The following POT1 variants were observed in gnomAD, a reference collection of about 807,000 sequenced individuals.
POT1 encodes protection of telomeres protein 1.
Under a neutral mutation model 78.5 loss-of-function variants are expected in POT1, and 47 were observed. The observed-to-expected ratio is 0.60, with a 90% CI of 0.47 to 0.76. The LOEUF (loss-of-function observed/expected upper bound fraction) is 0.76, where lower values mean the gene tolerates loss of function less well. Among genes scored for constraint, POT1 ranks in the 30% least tolerant of loss-of-function variants. The pLI is 0.00. For missense variants in POT1, 646 were observed against 749.9 expected (o/e 0.86, Z 1.62); for synonymous variants, 259 against 260.7 (o/e 0.99, Z 0.06).
At chr7:124,859,464 TG>T (rs1236403788) in intron 8 of POT1, among the ~76,000 whole-genome samples, 2 of 152,134 alleles carry the variant, frequency 1.3e-5, no homozygotes, top group Admixed American at 1.3e-4. Flanking sequence ...AAATTATGAA[TG>T]CTCTAAAAAT....
At chr7:124,902,595 G>C (rs1045727552) in intron 3 of POT1, among the ~76,000 whole-genome samples, 4 of 152,158 alleles carry the variant, frequency 2.6e-5, no homozygotes, top group African/African-American at 9.7e-5. Flanking sequence ...AGACCATTGA[G>C]GCTAGGAAGA....
intron 3 of POT1, among the ~76,000 whole-genome samples, chr7:124,914,136 GAA>G (rs35946307): frequency 5.4e-5 from 6 of 111,206 alleles, no homozygotes; most frequent in African/African-American, 6.8e-5. Flanking sequence ...CTCTGTCTCA[GAA>G]AAAAAAAAAA....
intron 14 of POT1, chr7:124,837,243 C>G (rs1476104346): frequency 3.6e-6 from 1 of 277,646 alleles, no homozygotes; most frequent in Admixed American, 4.7e-5. Flanking sequence ...AGATAAAATA[C>G]TAAACTAGTA....
intron 17 of POT1, among the ~76,000 whole-genome samples, chr7:124,826,307 C>G (rs1794628221): frequency 6.6e-6 from 1 of 152,150 alleles, no homozygotes; most frequent in Non-Finnish European, 1.5e-5. Flanking sequence ...TGGAACTTTC[C>G]TGGACTCTGT....
intron 6 of POT1, among the ~76,000 whole-genome samples, chr7:124,881,600 A>G (rs1052154962): frequency 1.1e-4 from 17 of 151,998 alleles, no homozygotes; most frequent in Admixed American, 6.6e-5. Context: ...AAATAGTAAC[A>G]ATGCAAACTG....
intron 6 of POT1, among the ~76,000 whole-genome samples, chr7:124,884,217 G>T (rs1796190478): frequency 6.6e-6 from 1 of 152,004 alleles, no homozygotes; most frequent in African/African-American, 2.4e-5. Flanking sequence ...AGTTAGCTGG[G>T]ATGTTTTTAT....
At chr7:124,871,688 A>C (rs1338475544) in intron 6 of POT1, among the ~76,000 whole-genome samples, 1 of 151,950 alleles carries the variant, frequency 6.6e-6, no homozygotes, top group Non-Finnish European at 1.5e-5. Flanking sequence ...CGATAACTTC[A>C]AACACTGGTG....
chr7:124,860,873 T>A (rs1315353249), intron 8 of POT1, among the ~76,000 whole-genome samples: 1 of 152,118 alleles, frequency 6.6e-6, no homozygotes, highest in Non-Finnish European at 1.5e-5. Context: ...TTTTCCGTTC[T>A]TGTGTTAGTT....
At chr7:124,905,135 A>T (rs879405994) in intron 3 of POT1, among the ~76,000 whole-genome samples, 8 of 152,212 alleles carry the variant, frequency 5.3e-5, no homozygotes, top group Non-Finnish European at 8.8e-5. Context: ...ACAGAATTGG[A>T]AGTTCATATG....
At chr7:124,847,899 C>T (rs1795210008) in intron 11 of POT1, among the ~76,000 whole-genome samples, 2 of 152,094 alleles carry the variant, frequency 1.3e-5, no homozygotes, top group South Asian at 4.1e-4. Context: ...AGACATAAGC[C>T]CACATTTATA....
chr7:124,839,742 G>T (rs183435674), intron 14 of POT1, among the ~76,000 whole-genome samples: 2 of 152,124 alleles, frequency 1.3e-5, no homozygotes, highest in East Asian at 3.9e-4. Flanking sequence ...TAAGCAAAAG[G>T]TACAAAGTTT....
chr7:124,911,228 G>A (rs1160629369), intron 3 of POT1, among the ~76,000 whole-genome samples: 2 of 152,042 alleles, frequency 1.3e-5, no homozygotes, highest in African/African-American at 4.8e-5. Flanking sequence ...GACCTTTACT[G>A]GGGCCACCAA....
chr7:124,910,127 T>C (rs1024476317), intron 3 of POT1, among the ~76,000 whole-genome samples: 1 of 151,824 alleles, frequency 6.6e-6, no homozygotes, highest in East Asian at 1.9e-4. Flanking sequence ...AAAAAAAGCA[T>C]AGCAGTGTTT....
At chr7:124,900,214 T>G (rs1457242992) in intron 3 of POT1, among the ~76,000 whole-genome samples, 1 of 152,198 alleles carries the variant, frequency 6.6e-6, no homozygotes, top group African/African-American at 2.4e-5. Flanking sequence ...CATTCAATAT[T>G]AGACAAATTG....
At position 124,927,795 on chromosome 7, in the gene POT1, G is replaced by A. The variant is rs1250826636; in HGVS notation, c.-227+1020C>T. 2.0e-5 allele frequency among the ~76,000 whole-genome samples: 3 copies of A among 152,178 alleles called. No homozygotes were observed. The South Asian group carries it at 6.2e-4, about 32-fold the overall frequency. On this transcript the variant is annotated intron_variant, in intron 2 of 18. Transcript: ENST00000357628. Reference sequence around the variant, plus strand: ...ACTTATCATGTTTCTCCCTAAGTATGTACCCCCTATTTTCTTCTCCTTGTT... The same window carrying A: ...ACTTATCATGTTTCTCCCTAAGTATATACCCCCTATTTTCTTCTCCTTGTT...
chr7:124,927,846 C>T lies in POT1; in HGVS notation c.-227+969G>A, dbSNP rs186466432. Among the ~76,000 whole-genome samples, 82 of 152,270 alleles carry T rather than the reference C, an allele frequency of 5.4e-4. No homozygotes were observed. The South Asian group carries it at 8.1e-3, about 15-fold the overall frequency. On this transcript the variant is annotated intron_variant, in intron 2 of 18. Coordinates refer to ENST00000357628, the MANE Select transcript of POT1 (RefSeq NM_015450.3). ...GGCTAGGAATTAGAAACAGAAGTTT[C>T]CTGAATTTCTCTTTGCCACTCTAGT... is the stretch of plus-strand genomic sequence containing the variant.
chr7:124,857,332 G>A (rs1038416729), intron 9 of POT1, among the ~76,000 whole-genome samples: 1 of 152,220 alleles, frequency 6.6e-6, no homozygotes, highest in Non-Finnish European at 1.5e-5. Flanking sequence ...TCCAGATAGG[G>A]ACAGGAGGCA....
intron 11 of POT1, 176 bp downstream of exon 11, chr7:124,851,696 A>T (rs1176734245): frequency 1.7e-6 from 1 of 595,450 alleles, no homozygotes; most frequent in Non-Finnish European, 3.0e-6. Flanking sequence ...TATATAATTT[A>T]GGAAGAAACC....
At chr7:124,919,591 A>C (rs962494266) in intron 2 of POT1, among the ~76,000 whole-genome samples, 2 of 152,094 alleles carry the variant, frequency 1.3e-5, no homozygotes, top group Admixed American at 6.5e-5. Context: ...AATGGGACAC[A>C]CAGAAACACA....
Sources: gnomAD v4.1 joint callset for allele counts (sites outside exome capture counted in the v4.1 genomes callset) on GRCh38, gnomAD v4.1.1 for gene constraint, MANE v1.5 for transcripts, NCBI Gene and HGNC (gene_info 2026-07-23, HGNC 2026-07-21) for gene names.